Variants in GAB1 observed in about 807,000 individuals in gnomAD.
GAB1 encodes GRB2 associated binding protein 1, also known as GRB2-associated-binding protein 1.
GAB1 carries 19 observed loss-of-function variants against 66.5 expected under a neutral mutation model. The ratio of observed to expected loss-of-function variants is 0.29; its 90% CI spans 0.20 to 0.42. The LOEUF (loss-of-function observed/expected upper bound fraction) is 0.42. GAB1 is among the 10% of genes least tolerant of loss of function. The pLI, the probability that GAB1 is intolerant of heterozygous loss-of-function variation, is 1.00. For synonymous variants in GAB1, 294 were observed against 301.4 expected (o/e 0.98, Z 0.25); for missense variants, 732 against 858.5 (o/e 0.85, Z 1.84).
chr4:143,396,017 C>A (rs184485067), intron 1 of GAB1: 13 of 447,684 alleles, frequency 2.9e-5, no homozygotes, highest in Non-Finnish European at 5.4e-5. Flanking sequence ...AGAGGGGACC[C>A]AGGAAAGGGG....
intron 7 of GAB1, 22 bp downstream of exon 7, chr4:143,459,500 T>C (rs753391708): frequency 1.6e-6 from 2 of 1,231,258 alleles, no homozygotes; most frequent in South Asian, 2.4e-5. Flanking sequence ...GTCTAAAATA[T>C]GTAGTTTGTA....
At chr4:143,354,373 A>G (rs1729357521) in intron 1 of GAB1, among the ~76,000 whole-genome samples, 1 of 151,754 alleles carries the variant, frequency 6.6e-6, no homozygotes, top group South Asian at 2.1e-4. Context: ...ATGAATATTT[A>G]TATTTTCTGA....
chr4:143,426,622 A>G (rs1423196045), intron 2 of GAB1, among the ~76,000 whole-genome samples: 1 of 152,200 alleles, frequency 6.6e-6, no homozygotes, highest in African/African-American at 2.4e-5. Context: ...TTTTTTCAGC[A>G]TCTGCAATGT....
intron 1 of GAB1, among the ~76,000 whole-genome samples, chr4:143,358,787 T>C (rs1729545971): frequency 6.6e-6 from 1 of 152,250 alleles, no homozygotes. Context: ...AATATTGACT[T>C]GTATGTTTCC....
rs1441069959 is a variant in GAB1, at chr4:143,469,177, G to A, written c.2073G>A (p.Lys691=). The A allele has an allele frequency of 1.9e-6, 3 of 1,613,948 alleles. No homozygotes were observed. Among genetic ancestry groups the A allele is most frequent in the African/African-American group, 2.7e-5 (2 of 74,934 alleles). ...CCACAGAATCAGAAACGCCAGCGAA[G>A]AGTGTGAAATGAAAATATTGCCTTG... ...RQSTESETPA[K]SVK is the part of the protein sequence containing the mutation. The change falls in exon 10 of 10, where the codon AAG becomes AAA. Residue 691 remains lysine, a synonymous_variant. Transcript: ENST00000262994.
At chr4:143,397,454 A>T (rs947368794) in intron 1 of GAB1, among the ~76,000 whole-genome samples, 2 of 152,204 alleles carry the variant, frequency 1.3e-5, no homozygotes, top group African/African-American at 4.8e-5. Context: ...AATCAGATGT[A>T]CAGATGAAAC....
At chr4:143,389,612 G>A (rs572308503) in intron 1 of GAB1, among the ~76,000 whole-genome samples, 1 of 152,178 alleles carries the variant, frequency 6.6e-6, no homozygotes, top group Non-Finnish European at 1.5e-5. Flanking sequence ...ATTTGTTCTG[G>A]AATTTTTACT....
chr4:143,416,679 CAGG>C (rs1732708767), intron 2 of GAB1, among the ~76,000 whole-genome samples: 1 of 152,014 alleles, frequency 6.6e-6, no homozygotes, highest in Non-Finnish European at 1.5e-5. Flanking sequence ...GAGGCTGAGG[CAGG>C]AGAATCGCTT....
At chr4:143,391,864 T>C (rs1452782228) in intron 1 of GAB1, among the ~76,000 whole-genome samples, 3 of 152,188 alleles carry the variant, frequency 2.0e-5, no homozygotes, top group Non-Finnish European at 4.4e-5. Flanking sequence ...GACAGCCAAG[T>C]TGTGAGTTAG....
intron 1 of GAB1, among the ~76,000 whole-genome samples, chr4:143,359,890 G>A (rs1453062511): frequency 6.6e-6 from 1 of 152,194 alleles, no homozygotes; most frequent in South Asian, 2.1e-4. Context: ...TCAAAGGAAC[G>A]CTGGGGAACC....
At chr4:143,455,668 TC>T (rs1282361921) in intron 6 of GAB1, among the ~76,000 whole-genome samples, 1 of 152,000 alleles carries the variant, frequency 6.6e-6, no homozygotes, top group East Asian at 1.9e-4. Flanking sequence ...CACGTAGATG[TC>T]CCCCCAAGCC....
chr4:143,399,341 C>G (rs1436210332), intron 1 of GAB1, among the ~76,000 whole-genome samples: 1 of 152,144 alleles, frequency 6.6e-6, no homozygotes, highest in East Asian at 1.9e-4. Context: ...TTAAACCTAC[C>G]TAAGTTGAAA....
chr4:143,415,641 T>G lies in GAB1; in HGVS notation c.237T>G (p.Phe79Leu). 6.2e-7 allele frequency: 1 copy of G among 1,614,114 alleles called. No individual in the cohort carries two copies. Among genetic ancestry groups the G allele is most frequent in the East Asian group, 2.2e-5 (1 of 44,864 alleles). The change falls in exon 2 of 10, where the codon TTT (phenylalanine) becomes TTG (leucine). Residue 79 changes from phenylalanine (F) to leucine (L), a missense_variant. Around this residue, in one of 4 missense-constraint regions of GAB1, gnomAD observed 66 missense variants for 130.3 expected, o/e 0.51. Coordinates refer to ENST00000262994, the MANE Select transcript of GAB1 (RefSeq NM_002039.4). ...DAGLTFNKKEFENSYIFDINT... is the reference protein window; with the variant it reads ...DAGLTFNKKELENSYIFDINT... ...GATTGACATTTAACAAAAAAGAGTTTGAAAACAGCTACATTTTTGATATCA... is the reference window on the plus strand; with the variant it reads ...GATTGACATTTAACAAAAAAGAGTTGGAAAACAGCTACATTTTTGATATCA...
intron 1 of GAB1, among the ~76,000 whole-genome samples, chr4:143,364,894 T>G (rs1020339508): frequency 2.2e-5 from 3 of 137,750 alleles, no homozygotes; most frequent in Non-Finnish European, 4.7e-5. Context: ...TTTTTTTTTT[T>G]GGAGACGGAG....
intron 9 of GAB1, among the ~76,000 whole-genome samples, chr4:143,467,489 G>A (rs984401353): frequency 6.6e-6 from 1 of 152,162 alleles, no homozygotes; most frequent in African/African-American, 2.4e-5. Flanking sequence ...TTCTGTTTGG[G>A]TCTTTATCAA....
chr4:143,457,959 A>G (rs1264055665), intron 6 of GAB1, among the ~76,000 whole-genome samples: 1 of 152,166 alleles, frequency 6.6e-6, no homozygotes, highest in Admixed American at 6.5e-5. Context: ...TGCCATTAAC[A>G]ACAGCATGTT....
intron 1 of GAB1, among the ~76,000 whole-genome samples, chr4:143,362,376 C>A (rs991794203): frequency 6.6e-6 from 1 of 152,078 alleles, no homozygotes; most frequent in African/African-American, 2.4e-5. Flanking sequence ...CGAGACAAAT[C>A]TGTGGAGTAA....
At chr4:143,433,817 C>A in intron 3 of GAB1, 101 bp downstream of exon 3, 3 of 925,526 alleles carry the variant, frequency 3.2e-6, no homozygotes, top group South Asian at 1.5e-5. Context: ...GATTTGCAGG[C>A]TTGAAAGAGA....
intron 1 of GAB1, chr4:143,349,204 T>C (rs772709081): frequency 3.8e-5 from 21 of 553,660 alleles, no homozygotes; most frequent in Non-Finnish European, 5.8e-5. Flanking sequence ...AGTAGTTATA[T>C]ATTATTTTTC....
Sources: allele counts gnomAD v4.1 joint callset (sites outside exome capture counted in the v4.1 genomes callset), GRCh38; gene constraint gnomAD v4.1.1; regional missense constraint gnomAD v4.1.1; transcripts MANE v1.5; gene names NCBI Gene and HGNC (gene_info 2026-07-23, HGNC 2026-07-21).